The following CCDC175 variants were observed in gnomAD, a reference collection of about 807,000 sequenced individuals.
CCDC175 encodes the protein coiled-coil domain-containing protein 175.
CCDC175 carries 100 observed loss-of-function variants against 114.6 expected under a neutral mutation model. That is an observed-to-expected ratio of 0.87 (90% CI 0.74 to 1.03). The LOEUF (loss-of-function observed/expected upper bound fraction) is 1.03, where lower values mean the gene tolerates loss of function less well. CCDC175 is among the 50% of genes least tolerant of loss of function. The pLI, the probability that CCDC175 is intolerant of heterozygous loss-of-function variation, is 0.00. For missense variants in CCDC175, 880 were observed against 917.8 expected, an observed-to-expected ratio of 0.96 and a Z score of 0.53; for synonymous variants, 306 against 308.7, an observed-to-expected ratio of 0.99 and a Z score of 0.09.
intron 16 of CCDC175, among the ~76,000 whole-genome samples, chr14:59,523,463 C>G (rs1644409653): frequency 6.6e-6 from 1 of 152,036 alleles, no homozygotes; most frequent in Non-Finnish European, 1.5e-5. Flanking sequence ...ATTAAAACTT[C>G]TAAAAAAAAT....
chr14:59,554,005 C>A, intron 7 of CCDC175, among the ~76,000 whole-genome samples: 1 of 152,130 alleles, frequency 6.6e-6, no homozygotes. Context: ...GACTCCCACA[C>A]AATAATAATG....
rs1417408558 is a variant in CCDC175, at chr14:59,527,087, T to C, written c.1842+8A>G. On this transcript the variant is annotated splice_region_variant and intron_variant, in intron 15 of 19. Coordinates refer to ENST00000537690, the MANE Select transcript of CCDC175 (RefSeq NM_001164399.2). ...ATAAAAAAAAGAATTAATGCATTGA[T>C]CTTTTACCATGTTGCTAATGTATCT... The C allele has an allele frequency of 2.9e-6, 4 of 1,363,096 alleles. No homozygotes were observed. The highest frequency in any genetic ancestry group is 2.7e-5 in the East Asian group (1 of 37,336). The allele number at this position is 1,363,096 out of a possible 1,614,324, so 84.4% of individuals were successfully genotyped here.
At chr14:59,514,561 T>C (rs2139962577) in intron 17 of CCDC175, among the ~76,000 whole-genome samples, 1 of 152,286 alleles carries the variant, frequency 6.6e-6, no homozygotes, top group East Asian at 1.9e-4. Context: ...GAAGAAAGGC[T>C]ATCAGTGATG....
At chr14:59,572,373 A>G (rs2140132840) in intron 3 of CCDC175, among the ~76,000 whole-genome samples, 1 of 152,324 alleles carries the variant, frequency 6.6e-6, no homozygotes, top group East Asian at 1.9e-4. Context: ...TGAGGTACCC[A>G]GAGTAGCCAA....
intron 7 of CCDC175, among the ~76,000 whole-genome samples, chr14:59,557,551 C>A (rs892113565): frequency 1.8e-4 from 27 of 150,206 alleles, no homozygotes; most frequent in African/African-American, 6.4e-4. Flanking sequence ...ACCAACATGG[C>A]ACATGTATAC....
At chr14:59,510,835 T>C in intron 18 of CCDC175, 27 bp from the exon 19 acceptor site, 1 of 1,523,430 alleles carries the variant, frequency 6.6e-7, no homozygotes, top group South Asian at 1.2e-5. Context: ...TTAGGCTGTG[T>C]CAATATAAAT....
intron 6 of CCDC175, among the ~76,000 whole-genome samples, chr14:59,563,346 C>T (rs1368979205): frequency 6.6e-6 from 1 of 152,034 alleles, no homozygotes; most frequent in African/African-American, 2.4e-5. Context: ...CAATAGAGAG[C>T]CTAAACTCTG....
At chr14:59,567,372 A>C (rs559656658) in intron 4 of CCDC175, among the ~76,000 whole-genome samples, 1 of 152,232 alleles carries the variant, frequency 6.6e-6, no homozygotes, top group African/African-American at 2.4e-5. Flanking sequence ...CTGGGTCTTG[A>C]GGTCTCTAGC....
intron 11 of CCDC175, among the ~76,000 whole-genome samples, chr14:59,539,877 G>T (rs1373534444): frequency 6.6e-6 from 1 of 152,078 alleles, no homozygotes; most frequent in African/African-American, 2.4e-5. Flanking sequence ...TTCAGCCTGG[G>T]CAATGGAGTG....
At chr14:59,516,432 A>T (rs1893090687) in intron 17 of CCDC175, among the ~76,000 whole-genome samples, 1 of 152,244 alleles carries the variant, frequency 6.6e-6, no homozygotes, top group Non-Finnish European at 1.5e-5. Context: ...CAAGGCTAAT[A>T]AAGAAGAAAA....
At position 59,547,789 on chromosome 14, in the gene CCDC175, A is replaced by G. The variant is rs190183504; in HGVS notation, c.1036-2490T>C. ...TAGTCTCATGACATAGGACATAGAG[A>G]ACATTAACTAAAAAGATTGATAAAC... On this transcript the variant is annotated intron_variant, in intron 8 of 19. Coordinates refer to ENST00000537690, the MANE Select transcript of CCDC175 (RefSeq NM_001164399.2). 6.3e-3 allele frequency among the ~76,000 whole-genome samples: 962 copies of G among 152,340 alleles called. 15 individuals are homozygous for G. The highest frequency in any genetic ancestry group is 0.021 in the African/African-American group (868 of 41,578).
chr14:59,513,500 C>T (rs757381840), intron 17 of CCDC175, among the ~76,000 whole-genome samples: 11 of 152,182 alleles, frequency 7.2e-5, no homozygotes, highest in East Asian at 1.9e-4. Context: ...TCTTAGCAAA[C>T]GGCACAGCAA....
intron 7 of CCDC175, among the ~76,000 whole-genome samples, chr14:59,556,095 C>T (rs150828919): frequency 0.45 from 67,849 of 152,032 alleles, 17,377 homozygotes; most frequent in East Asian, 0.81. Context: ...TGACTTTCTT[C>T]ACAGAATTGG....
chr14:59,512,063 A>AGGTG (rs1435766533), intron 17 of CCDC175, among the ~76,000 whole-genome samples: 1 of 152,196 alleles, frequency 6.6e-6, no homozygotes, highest in Non-Finnish European at 1.5e-5. Context: ...GAAACAAAGG[A>AGGTG]GGTGGGTCCT....
chr14:59,525,574 GA>G, intron 15 of CCDC175, 140 bp from the exon 16 acceptor site: 2 of 552,352 alleles, frequency 3.6e-6, no homozygotes, highest in Non-Finnish European at 5.9e-6. Flanking sequence ...TTCTTCCTTA[GA>G]AAAACCTATC....
chr14:59,527,024 A>G, intron 15 of CCDC175, 71 bp downstream of exon 15: 1 of 785,056 alleles, frequency 1.3e-6, no homozygotes, highest in Non-Finnish European at 1.9e-6. Flanking sequence ...AATGCCAGGT[A>G]AATACTACCA....
intron 17 of CCDC175, among the ~76,000 whole-genome samples, chr14:59,519,175 G>A (rs2139976263): frequency 6.6e-6 from 1 of 152,252 alleles, no homozygotes; most frequent in African/African-American, 2.4e-5. Flanking sequence ...TTGTCGGTGG[G>A]TTATGAGGGA....
At chr14:59,537,200 T>C (rs553381595) in intron 13 of CCDC175, among the ~76,000 whole-genome samples, 13 of 152,324 alleles carry the variant, frequency 8.5e-5, no homozygotes, top group African/African-American at 2.6e-4. Flanking sequence ...AAAATGTGAC[T>C]ACTTTCTTTT....
intron 5 of CCDC175, chr14:59,564,328 A>C: frequency 1.3e-5 from 2 of 153,018 alleles, no homozygotes. Flanking sequence ...TCAAAGACAG[A>C]GCAGCTTGTA....
Sources: gnomAD v4.1 joint callset for allele counts (sites outside exome capture counted in the v4.1 genomes callset) on GRCh38, gnomAD v4.1.1 for gene constraint, MANE v1.5 for transcripts, NCBI Gene and HGNC (gene_info 2026-07-23, HGNC 2026-07-21) for gene names.